The following HPS4 variants were observed in gnomAD, a reference collection of about 807,000 sequenced individuals.
The protein encoded by HPS4 is HPS4 biogenesis of lysosomal organelles complex 3 subunit 2.
In HPS4, 44 loss-of-function variants were observed where a neutral mutation model predicts 70.3. The observed-to-expected ratio is 0.63, with a 90% CI of 0.49 to 0.80. The LOEUF is 0.80. Ranked by LOEUF, HPS4 falls within the 30% of genes least tolerant of loss-of-function variation. The pLI, the probability that HPS4 is intolerant of heterozygous loss-of-function variation, is 0.00. For missense variants in HPS4, 873 were observed against 884.4 expected (o/e 0.99, Z 0.16); for synonymous variants, 377 against 355.9 (o/e 1.06, Z -0.67).
chr22:26,483,848 A>C, upstream of HPS4: 1 of 1,303,158 alleles, frequency 7.7e-7, no homozygotes, highest in Non-Finnish European at 9.7e-7. Context: ...GCGCGCGGCG[A>C]TGACGTGCCG....
At position 26,479,607 on chromosome 22, in the gene HPS4, G is replaced by C. The variant is rs375753524; in HGVS notation, c.42-252C>G. 6.7e-4 allele frequency: 867 copies of C among 1,292,122 alleles called. 11 individuals carry two copies. The South Asian group carries it at 0.015, about 23-fold the overall frequency. The allele number at this position is 1,292,122 out of a possible 1,614,324, so 80.0% of individuals were successfully genotyped here. ...CTGCCGGAGAAGACACGAGTAGCTA[G>C]AAAAAAAAACGAGGCGCCCACAATG... On this transcript the variant is annotated intron_variant, in intron 2 of 13. Transcript: ENST00000398145.
At chr22:26,472,068 C>A (rs1215879496) in intron 6 of HPS4, among the ~76,000 whole-genome samples, 2 of 152,164 alleles carry the variant, frequency 1.3e-5, no homozygotes, top group Non-Finnish European at 2.9e-5. Flanking sequence ...TACTTGGTGT[C>A]ATTTGAGGTA....
downstream of HPS4, among the ~76,000 whole-genome samples, chr22:26,447,215 G>A (rs1278303210): frequency 6.6e-6 from 1 of 152,156 alleles, no homozygotes; most frequent in Non-Finnish European, 1.5e-5. Flanking sequence ...TCTTTTTCTG[G>A]GACGACTGTG....
intron 11 of HPS4, among the ~76,000 whole-genome samples, chr22:26,462,390 G>T (rs2087483823): frequency 6.6e-6 from 1 of 152,188 alleles, no homozygotes; most frequent in Non-Finnish European, 1.5e-5. Context: ...GAGAGGCTGG[G>T]GTGGGGAACC....
At chr22:26,466,985 T>C (rs1229135252) in intron 8 of HPS4, 2 of 152,354 alleles carry the variant, frequency 1.3e-5, no homozygotes, top group East Asian at 3.8e-4. Context: ...AGACAAAGCG[T>C]TGAAAAAAAA....
intron 13 of HPS4, among the ~76,000 whole-genome samples, chr22:26,456,443 T>C (rs1473776514): frequency 1.3e-5 from 2 of 152,218 alleles, no homozygotes; most frequent in Non-Finnish European, 2.9e-5. Context: ...GGCAGATCAC[T>C]AGGTCAAAAC....
chr22:26,455,385 TG>T (rs1190284892), intron 13 of HPS4, among the ~76,000 whole-genome samples: 1 of 151,702 alleles, frequency 6.6e-6, no homozygotes, highest in Non-Finnish European at 1.5e-5. Context: ...ATATACACCA[TG>T]GAATACTATG....
chr22:26,448,598 G>C (rs1351484143), downstream of HPS4, among the ~76,000 whole-genome samples: 5 of 152,180 alleles, frequency 3.3e-5, no homozygotes, highest in African/African-American at 1.2e-4. Context: ...AGGGGAGAAG[G>C]GTTGCAACTT....
Position 26,464,376 on chromosome 22 carries a change from C to T in HPS4, c.1254G>A (p.Glu418=). 1.2e-6 allele frequency: 2 copies of T among 1,614,190 alleles called. No individual in the cohort carries two copies. The highest frequency in any genetic ancestry group is 1.1e-5 in the South Asian group (1 of 91,082). The change falls in exon 11 of 14, where the codon GAG becomes GAA. Residue 418 remains glutamate, a synonymous_variant. Coordinates refer to ENST00000398145, the MANE Select transcript of HPS4 (RefSeq NM_022081.6). The stretch of plus-strand genomic sequence containing the variant: ...GGCGCAAGCTGCTGATGGCTGTGTC[C>T]TCAGGAGGCGTGGGTTCCAGGCTGC... The part of the protein sequence containing the change: ...ASSSLEPTPP[E]DTAISSLRPP...
At chr22:26,450,397 T>C (rs1476345689), downstream of HPS4, among the ~76,000 whole-genome samples, 1 of 152,164 alleles carries the variant, frequency 6.6e-6, no homozygotes, top group Non-Finnish European at 1.5e-5. Context: ...CCACCAAATA[T>C]GCAAGACAGA....
chr22:26,458,387 C>T, intron 12 of HPS4, 58 bp downstream of exon 12: 5 of 1,604,246 alleles, frequency 3.1e-6, no homozygotes, highest in South Asian at 1.1e-5. Context: ...AAGTTCTCAT[C>T]TCCACCCATC....
chr22:26,463,873 G>T (rs778910458), intron 11 of HPS4, 44 bp downstream of exon 11: 2 of 1,594,952 alleles, frequency 1.3e-6, no homozygotes, highest in East Asian at 2.2e-5. Flanking sequence ...ACAGGAGATC[G>T]GCAGAGGCCG....
intron 1 of HPS4, among the ~76,000 whole-genome samples, 172 bp downstream of exon 1, chr22:26,483,502 C>T (rs770789568): frequency 7.9e-5 from 12 of 152,214 alleles, no homozygotes; most frequent in Non-Finnish European, 1.5e-4. Context: ...GCGCAGCCCC[C>T]GGGGCGCAGG....
chr22:26,463,344 G>T (rs1487318594), intron 11 of HPS4, among the ~76,000 whole-genome samples: 6 of 152,176 alleles, frequency 3.9e-5, no homozygotes. Context: ...GGTTTCTAGG[G>T]AACTCCCAAC....
chr22:26,465,375 C>A, intron 10 of HPS4, 80 bp downstream of exon 10: 2 of 935,136 alleles, frequency 2.1e-6, no homozygotes, highest in Admixed American at 1.7e-5. Flanking sequence ...TGGGATGTAT[C>A]AGAGGTTTGT....
chr22:26,469,687 CAA>C (rs781594494), intron 7 of HPS4, among the ~76,000 whole-genome samples: 9 of 57,630 alleles, frequency 1.6e-4, no homozygotes, highest in East Asian at 4.1e-4. Context: ...CTCGTCCCTA[CAA>C]AAAAAAAAAA....
intron 4 of HPS4, among the ~76,000 whole-genome samples, chr22:26,474,883 A>T (rs1230079179): frequency 6.6e-6 from 1 of 152,188 alleles, no homozygotes; most frequent in Non-Finnish European, 1.5e-5. Context: ...ATAACACACC[A>T]CTGCACATCC....
chr22:26,456,206 G>C (rs1195746442), intron 13 of HPS4, among the ~76,000 whole-genome samples: 3 of 152,178 alleles, frequency 2.0e-5, no homozygotes, highest in African/African-American at 7.2e-5. Flanking sequence ...GGACCACACT[G>C]CCCCGACACT....
chr22:26,474,107 G>T (rs1465185686), intron 4 of HPS4, among the ~76,000 whole-genome samples: 1 of 152,152 alleles, frequency 6.6e-6, no homozygotes, highest in Non-Finnish European at 1.5e-5. Context: ...AAAACACAAA[G>T]AACCTGAAAT....
Sources: gnomAD v4.1 joint callset for allele counts (sites outside exome capture counted in the v4.1 genomes callset) on GRCh38, gnomAD v4.1.1 for gene constraint, MANE v1.5 for transcripts, NCBI Gene and HGNC (gene_info 2026-07-23, HGNC 2026-07-21) for gene names.